Variants in ENOX2 observed in about 807,000 individuals in gnomAD.
The protein encoded by ENOX2 is ecto-NOX disulfide-thiol exchanger 2, also known as APK1 antigen.
A neutral mutation model predicts 45.0 loss-of-function variants in ENOX2; 36 were observed. That is an observed-to-expected ratio of 0.80 (90% CI 0.61 to 1.06). The LOEUF is 1.06. Among genes scored for constraint, ENOX2 ranks in the 50% least tolerant of loss-of-function variants. The pLI is 0.00. For synonymous variants in ENOX2, 174 were observed against 152.3 expected (o/e 1.14, Z -1.05); for missense variants, 423 against 462.5 (o/e 0.91, Z 0.78).
intron 13 of ENOX2, among the ~76,000 whole-genome samples, chrX:130,631,210 C>G (rs997627976): frequency 9.0e-5 from 10 of 111,365 alleles, no homozygotes; most frequent in African/African-American, 2.6e-4. Flanking sequence ...CAGCTGACCC[C>G]TCTTAGCTTA....
intron 10 of ENOX2, among the ~76,000 whole-genome samples, chrX:130,644,932 T>C (rs2036188475): frequency 9.0e-6 from 1 of 111,673 alleles, no homozygotes; most frequent in Non-Finnish European, 1.9e-5. Flanking sequence ...GGTTCATCAA[T>C]AGTAACAAAT....
At chrX:130,829,120 G>C (rs1017915744) in intron 2 of ENOX2, among the ~76,000 whole-genome samples, 1 of 111,212 alleles carries the variant, frequency 9.0e-6, no homozygotes, top group African/African-American at 3.3e-5. Context: ...TCTCTCTGAT[G>C]GGCTACTTGT....
Position 130,635,940 on chromosome X carries a change from G to T in ENOX2, c.1312-849C>A, listed in dbSNP as rs1439599409. Among the ~76,000 whole-genome samples, 3 of 112,442 alleles carry T rather than the reference G, an allele frequency of 2.7e-5. 1 individual carries two copies. In the Admixed American group the frequency reaches 2.8e-4, roughly 11 times the overall value. On this transcript the variant is annotated intron_variant, in intron 11 of 14. Transcript: ENST00000394363. ...TTCTCACTGAGGTCTTTGAAGTGATGAAATGAAATAAAATTTCATGATTTT... is the reference window on the plus strand; with the variant it reads ...TTCTCACTGAGGTCTTTGAAGTGATTAAATGAAATAAAATTTCATGATTTT...
At position 130,666,589 on chromosome X, in the gene ENOX2, C is replaced by A. The variant is rs1206603788; in HGVS notation, c.908-840G>T. On this transcript the variant is annotated intron_variant, in intron 8 of 14. Coordinates refer to ENST00000394363, the MANE Select transcript of ENOX2 (RefSeq NM_006375.4). ...TACATCCCTGTTTGCACCCTGTCTTCTAATGACTTAAGGATTTATAGTCCC... is the reference window on the plus strand; with the variant it reads ...TACATCCCTGTTTGCACCCTGTCTTATAATGACTTAAGGATTTATAGTCCC... Among the ~76,000 whole-genome samples, 3 of 111,299 alleles carry A rather than the reference C, an allele frequency of 2.7e-5. No homozygotes were observed. The East Asian group carries it at 8.4e-4, about 31-fold the overall frequency.
chrX:130,788,120 A>T (rs951658756), intron 2 of ENOX2, among the ~76,000 whole-genome samples: 24 of 112,319 alleles, frequency 2.1e-4, no homozygotes, highest in African/African-American at 7.8e-4. Context: ...TATGTGACCC[A>T]GGTCAAATGC....
chrX:130,682,979 T>C (rs1425748914), intron 5 of ENOX2, among the ~76,000 whole-genome samples: 1 of 112,048 alleles, frequency 8.9e-6, no homozygotes, highest in East Asian at 2.8e-4. Flanking sequence ...ATTAATCAGG[T>C]AATGTGCTAA....
At position 130,623,609 on chromosome X, in the gene ENOX2, G is replaced by C. The variant is rs935797042; in HGVS notation, c.*1705C>G. 3.6e-5 allele frequency: 4 copies of C among 111,815 alleles called. No individual in the cohort carries two copies. The highest frequency in any genetic ancestry group is 1.3e-4 in the African/African-American group (4 of 30,670). The allele number at this position is 111,815 out of a possible 1,213,427, so 9.2% of individuals were successfully genotyped here. A position where few individuals can be genotyped will look rare whatever the true frequency, so the allele number is the denominator to read the frequency against. ...GATTTCATAGATATTATTAAAATTA[G>C]GTATTCCAAGAGCCCGAGACTGATG... is the stretch of plus-strand genomic sequence containing the variant. On this transcript the variant is annotated 3_prime_UTR_variant, in exon 15 of 15. Coordinates refer to ENST00000394363, the MANE Select transcript of ENOX2 (RefSeq NM_006375.4).
intron 2 of ENOX2, among the ~76,000 whole-genome samples, chrX:130,850,872 T>C (rs1222631720): frequency 1.8e-5 from 2 of 112,036 alleles, no homozygotes; most frequent in African/African-American, 6.5e-5. Context: ...CTTTCCTTTT[T>C]CCCCCCAAAC....
intron 3 of ENOX2, among the ~76,000 whole-genome samples, chrX:130,741,744 C>T (rs776043483): frequency 2.5e-4 from 28 of 111,230 alleles, no homozygotes; most frequent in Non-Finnish European, 4.7e-4. Context: ...CTGTAATTAC[C>T]AACCAAAGAG....
chrX:130,738,619 T>C (rs1427479078), intron 3 of ENOX2, among the ~76,000 whole-genome samples: 1 of 112,214 alleles, frequency 8.9e-6, no homozygotes, highest in Non-Finnish European at 1.9e-5. Flanking sequence ...TCCTGGTGTG[T>C]TTTCTCTCCT....
chrX:130,760,293 G>C (rs148302595), intron 3 of ENOX2, among the ~76,000 whole-genome samples: 2,816 of 111,219 alleles, frequency 0.025, 92 homozygotes, highest in African/African-American at 0.086. Context: ...TGATCTGTAA[G>C]CCTTTTATTT....
At chrX:130,638,575 A>G (rs900873598) in intron 10 of ENOX2, among the ~76,000 whole-genome samples, 1 of 111,107 alleles carries the variant, frequency 9.0e-6, no homozygotes, top group Non-Finnish European at 1.9e-5. Context: ...AGAAGCTGCC[A>G]CTCTGTCTTA....
chrX:130,813,868 C>G (rs1230962415), intron 2 of ENOX2, among the ~76,000 whole-genome samples: 1 of 112,006 alleles, frequency 8.9e-6, no homozygotes, highest in African/African-American at 3.2e-5. Context: ...TTTCATACCC[C>G]AGTGGCGCCT....
At chrX:130,807,404 T>A (rs1018692809) in intron 2 of ENOX2, among the ~76,000 whole-genome samples, 2 of 111,977 alleles carry the variant, frequency 1.8e-5, no homozygotes, top group Non-Finnish European at 3.8e-5. Flanking sequence ...CCTCTTGTTA[T>A]GCCTTTCATT....
chrX:130,733,839 T>C (rs1353536235), intron 3 of ENOX2, among the ~76,000 whole-genome samples: 1 of 112,327 alleles, frequency 8.9e-6, no homozygotes, highest in East Asian at 2.8e-4. Context: ...ACTATATCCA[T>C]GTCAATATCC....
chrX:130,825,773 A>C (rs2077708205), intron 2 of ENOX2, among the ~76,000 whole-genome samples: 3 of 111,097 alleles, frequency 2.7e-5, no homozygotes, highest in Admixed American at 1.9e-4. Flanking sequence ...TTAGTCACTT[A>C]GTAGACCTCT....
At chrX:130,743,774 C>G (rs780557341) in intron 3 of ENOX2, among the ~76,000 whole-genome samples, 3 of 111,078 alleles carry the variant, frequency 2.7e-5, no homozygotes, top group Non-Finnish European at 5.7e-5. Flanking sequence ...GCCACCATGC[C>G]CGACCCCTGT....
chrX:130,676,632 TG>T (rs769121927), intron 6 of ENOX2, among the ~76,000 whole-genome samples: 147 of 111,685 alleles, frequency 1.3e-3, no homozygotes, highest in African/African-American at 4.4e-3. Context: ...AATAGTCTCG[TG>T]GAATGCTCTG....
At chrX:130,896,981 C>A (rs193058930) in intron 2 of ENOX2, among the ~76,000 whole-genome samples, 2 of 112,132 alleles carry the variant, frequency 1.8e-5, no homozygotes, top group Admixed American at 1.9e-4. Context: ...ACATGGGCTG[C>A]GTTCTGTAAG....
Sources: gnomAD v4.1 joint callset for allele counts (sites outside exome capture counted in the v4.1 genomes callset) on GRCh38, gnomAD v4.1.1 for gene constraint, MANE v1.5 for transcripts, NCBI Gene and HGNC (gene_info 2026-07-23, HGNC 2026-07-21) for gene names.